TMEM131L: variants seen among roughly 807,000 people sequenced by gnomAD.
The protein encoded by TMEM131L is transmembrane 131 like.
In TMEM131L, 54 loss-of-function variants were observed where a neutral mutation model predicts 192.2. That is an observed-to-expected ratio of 0.28 (90% CI 0.23 to 0.35). TMEM131L has a LOEUF of 0.35. TMEM131L is among the 10% of genes least tolerant of loss of function. TMEM131L has a pLI of 1.00. For missense variants in TMEM131L, 1,888 were observed against 1,972.9 expected (o/e 0.96, Z 0.82); for synonymous variants, 701 against 704.9 (o/e 0.99, Z 0.09).
At chr4:153,503,332 A>T (rs752602920) in intron 3 of TMEM131L, among the ~76,000 whole-genome samples, 1 of 152,192 alleles carries the variant, frequency 6.6e-6, no homozygotes, top group Admixed American at 6.5e-5. Flanking sequence ...GTAAAATTGT[A>T]CAAAGATAGG....
At position 153,528,811 on chromosome 4, in the gene TMEM131L, G is replaced by T. The variant is rs576447263; in HGVS notation, c.240-21262G>T. 1.5e-3 allele frequency among the ~76,000 whole-genome samples: 234 copies of T among 152,310 alleles called. 1 individual carries two copies. The highest frequency in any genetic ancestry group is 0.013 in the South Asian group (63 of 4,816). On this transcript the variant is annotated intron_variant, in intron 3 of 34. Transcript: ENST00000409959. ...TGGGGGAGCCAACCCCTCCCTCGGA[G>T]AGTGTGGGCCACAGATAGGGTAGAC...
chr4:153,599,436 C>G (rs1731674974), intron 21 of TMEM131L, among the ~76,000 whole-genome samples: 1 of 152,074 alleles, frequency 6.6e-6, no homozygotes, highest in Admixed American at 6.6e-5. Context: ...CCCAGCTACT[C>G]AAGAGGCTAG....
At chr4:153,634,660 T>C (rs905405044) in intron 33 of TMEM131L, among the ~76,000 whole-genome samples, 2 of 152,172 alleles carry the variant, frequency 1.3e-5, no homozygotes, top group African/African-American at 4.8e-5. Context: ...AATAGAAACA[T>C]TGGCCTGCTT....
At chr4:153,571,505 T>C (rs1729586209) in intron 7 of TMEM131L, among the ~76,000 whole-genome samples, 1 of 152,214 alleles carries the variant, frequency 6.6e-6, no homozygotes, top group Non-Finnish European at 1.5e-5. Flanking sequence ...CTATGGGGGA[T>C]TTAAGTGTAT....
At chr4:153,520,759 G>A (rs1381741601) in intron 3 of TMEM131L, among the ~76,000 whole-genome samples, 1 of 152,200 alleles carries the variant, frequency 6.6e-6, no homozygotes, top group Non-Finnish European at 1.5e-5. Context: ...ACATAAATGG[G>A]TGTGCTAGAG....
rs1351692138 is a variant in TMEM131L at position 153,623,012 on chromosome 4, G to A, written c.3974G>A (p.Ser1325Asn). ...SVRASRGSWGSWSSTSSSDGD... is the reference protein window; with the variant it reads ...SVRASRGSWGNWSSTSSSDGD... ...CGTGCCAGCCGGGGCAGCTGGGGGA[G>A]CTGGAGCAGCACCAGCAGCTCCGAC... Residue 1325 changes from serine (S) to asparagine (N), a missense_variant, in exon 29 of 35, where the codon AGC becomes AAC. By Grantham distance (46) the Ser-to-Asn change is conservative. Coordinates refer to ENST00000409959, the MANE Select transcript of TMEM131L (RefSeq NM_001131007.2). 6.2e-7 allele frequency: 1 copy of A among 1,614,172 alleles called. No homozygotes were observed.
intron 3 of TMEM131L, among the ~76,000 whole-genome samples, chr4:153,511,425 T>A (rs1160115958): frequency 6.6e-6 from 1 of 152,092 alleles, no homozygotes; most frequent in Non-Finnish European, 1.5e-5. Context: ...GGGAGCTGAA[T>A]AATAACACGT....
At chr4:153,496,098 A>G (rs930877794) in intron 3 of TMEM131L, among the ~76,000 whole-genome samples, 1 of 152,206 alleles carries the variant, frequency 6.6e-6, no homozygotes, top group Non-Finnish European at 1.5e-5. Flanking sequence ...TCAGAAAGGC[A>G]GTTTCTTTAA....
At chr4:153,576,539 A>G (rs1729953909) in intron 7 of TMEM131L, among the ~76,000 whole-genome samples, 1 of 152,216 alleles carries the variant, frequency 6.6e-6, no homozygotes, top group African/African-American at 2.4e-5. Flanking sequence ...TCTGCGAAAT[A>G]GGGTTGTTAA....
At chr4:153,624,143 G>C (rs1016010236) in intron 29 of TMEM131L, among the ~76,000 whole-genome samples, 26 of 145,174 alleles carry the variant, frequency 1.8e-4, no homozygotes, top group African/African-American at 6.3e-4. Flanking sequence ...TTTTTTGAGA[G>C]AGAGTTGCTC....
At chr4:153,516,139 A>G (rs541826368) in intron 3 of TMEM131L, among the ~76,000 whole-genome samples, 1 of 152,338 alleles carries the variant, frequency 6.6e-6, no homozygotes, top group African/African-American at 2.4e-5. Flanking sequence ...TTAAATGACA[A>G]TTTTGTAAGT....
intron 20 of TMEM131L, among the ~76,000 whole-genome samples, chr4:153,597,671 G>A (rs996574694): frequency 2.6e-5 from 4 of 152,184 alleles, no homozygotes; most frequent in African/African-American, 9.7e-5. Context: ...AGTGGCTTAT[G>A]CCTGGAATCT....
chr4:153,516,744 T>C (rs967349605), intron 3 of TMEM131L, among the ~76,000 whole-genome samples: 2 of 152,248 alleles, frequency 1.3e-5, no homozygotes, highest in African/African-American at 4.8e-5. Flanking sequence ...CTTATGCTAA[T>C]GTCTTGAGAT....
intron 31 of TMEM131L, among the ~76,000 whole-genome samples, chr4:153,628,960 C>T (rs1276026237): frequency 1.3e-5 from 2 of 152,116 alleles, no homozygotes; most frequent in African/African-American, 4.8e-5. Flanking sequence ...CCTTTGTACT[C>T]CCTCACCTCC....
At chr4:153,621,293 CATA>C (rs1191251860) in intron 27 of TMEM131L, among the ~76,000 whole-genome samples, 6 of 152,168 alleles carry the variant, frequency 3.9e-5, no homozygotes, top group Non-Finnish European at 8.8e-5. Flanking sequence ...TATCTGGGGT[CATA>C]ATAATGAAAC....
chr4:153,601,053 T>C (rs1346662023), intron 21 of TMEM131L, among the ~76,000 whole-genome samples: 3 of 149,168 alleles, frequency 2.0e-5, no homozygotes, highest in Admixed American at 1.4e-4. Flanking sequence ...GAGTTTGCAG[T>C]GAGCTGAGAT....
intron 7 of TMEM131L, among the ~76,000 whole-genome samples, chr4:153,575,165 C>T (rs533141710): frequency 6.6e-6 from 1 of 152,278 alleles, no homozygotes; most frequent in Non-Finnish European, 1.5e-5. Flanking sequence ...TGACTTAATA[C>T]TTTAAGTCTG....
chr4:153,510,940 C>T (rs1734312763), intron 3 of TMEM131L, among the ~76,000 whole-genome samples: 1 of 151,812 alleles, frequency 6.6e-6, no homozygotes, highest in South Asian at 2.1e-4. Flanking sequence ...ATCAAGTGGT[C>T]AGCTGATAGA....
chr4:153,515,978 A>T (rs1303444107), intron 3 of TMEM131L, among the ~76,000 whole-genome samples: 1 of 150,752 alleles, frequency 6.6e-6, no homozygotes, highest in East Asian at 1.9e-4. Context: ...TGATCCTCCC[A>T]TCTTGACCTC....
Sources: allele counts gnomAD v4.1 joint callset (sites outside exome capture counted in the v4.1 genomes callset), GRCh38; gene constraint gnomAD v4.1.1; transcripts MANE v1.5; gene names NCBI Gene and HGNC (gene_info 2026-07-23, HGNC 2026-07-21).